ACTR3B: variants seen among roughly 807,000 people sequenced by gnomAD.
ACTR3B encodes the protein actin related protein 3B.
In ACTR3B, 8 loss-of-function variants were observed where a neutral mutation model predicts 59.0. The observed-to-expected ratio is 0.14, with a 90% confidence interval of 0.08 to 0.24. ACTR3B has a LOEUF of 0.24. Ranked by LOEUF, ACTR3B falls within the 10% of genes least tolerant of loss-of-function variation. The probability of loss-of-function intolerance (pLI) is 1.00; values close to 1 mark genes in which losing one functional copy is unlikely to be tolerated. For missense variants in ACTR3B, 245 were observed against 552.3 expected (o/e 0.44, Z 5.58); for synonymous variants, 148 against 197.9 (o/e 0.75, Z 2.12).
intron 9 of ACTR3B, among the ~76,000 whole-genome samples, chr7:152,840,588 T>C (rs919857893): frequency 6.8e-6 from 1 of 147,114 alleles, no homozygotes; most frequent in Non-Finnish European, 1.5e-5. Context: ...CCGAACGCCC[T>C]GTCAGGAAAA....
chr7:152,787,379 T>A (rs2098178020), intron 2 of ACTR3B, among the ~76,000 whole-genome samples: 1 of 152,194 alleles, frequency 6.6e-6, no homozygotes, highest in African/African-American at 2.4e-5. Context: ...TATGAATTTT[T>A]CGCAGATACT....
chr7:152,839,205 G>T (rs1590425614), intron 9 of ACTR3B, among the ~76,000 whole-genome samples: 1 of 145,814 alleles, frequency 6.9e-6, no homozygotes, highest in East Asian at 2.0e-4. Context: ...TGTGTCACAG[G>T]AAGGGAGGCA....
At chr7:152,851,097 C>G (rs1448035970) in intron 9 of ACTR3B, among the ~76,000 whole-genome samples, 2 of 152,136 alleles carry the variant, frequency 1.3e-5, no homozygotes, top group East Asian at 1.9e-4. Flanking sequence ...GTACCGAATC[C>G]TATATATACT....
chr7:152,838,779 G>A (rs1036826027), intron 9 of ACTR3B, among the ~76,000 whole-genome samples: 7 of 152,216 alleles, frequency 4.6e-5, no homozygotes, highest in Non-Finnish European at 8.8e-5. Context: ...TTAGGAGATG[G>A]CAAGTCATTT....
At chr7:152,827,480 TTAGAG>T (rs1359902965) in intron 9 of ACTR3B, among the ~76,000 whole-genome samples, 1 of 151,466 alleles carries the variant, frequency 6.6e-6, no homozygotes, top group Non-Finnish European at 1.5e-5. Flanking sequence ...GCCACCTAAG[TTAGAG>T]TAGACCAGAA....
At chr7:152,826,315 ACT>A (rs1422669209) in intron 9 of ACTR3B, among the ~76,000 whole-genome samples, 1 of 151,920 alleles carries the variant, frequency 6.6e-6, no homozygotes, top group Admixed American at 6.6e-5. Flanking sequence ...TGTATGCTAA[ACT>A]CTTAAAGTAA....
At chr7:152,782,914 G>T (rs1191886139) in intron 1 of ACTR3B, among the ~76,000 whole-genome samples, 1 of 152,054 alleles carries the variant, frequency 6.6e-6, no homozygotes, top group Admixed American at 6.6e-5. Flanking sequence ...AGTTATTAGG[G>T]ATGCATAAAT....
intron 9 of ACTR3B, among the ~76,000 whole-genome samples, chr7:152,834,414 G>A (rs553543792): frequency 1.1e-4 from 16 of 152,272 alleles, no homozygotes; most frequent in Non-Finnish European, 2.1e-4. Context: ...TCGGCCTCCC[G>A]AAGTGCTGGG....
chr7:152,843,324 A>G (rs2116969569), intron 9 of ACTR3B, among the ~76,000 whole-genome samples: 1 of 152,370 alleles, frequency 6.6e-6, no homozygotes, highest in East Asian at 1.9e-4. Flanking sequence ...TAGCCCTTAC[A>G]TTTAACTCAG....
intron 1 of ACTR3B, among the ~76,000 whole-genome samples, chr7:152,766,207 C>T (rs1004954477): frequency 6.6e-6 from 1 of 152,112 alleles, no homozygotes; most frequent in Non-Finnish European, 1.5e-5. Flanking sequence ...TAGAGGAAAC[C>T]GGGGCAAGCT....
intron 5 of ACTR3B, 136 bp from the exon 6 acceptor site, chr7:152,816,345 A>G (rs1405735143): frequency 1.5e-6 from 1 of 671,358 alleles, no homozygotes; most frequent in Admixed American, 3.3e-5. Context: ...GACAGGGGTT[A>G]GAGGATGGAT....
intron 9 of ACTR3B, among the ~76,000 whole-genome samples, chr7:152,847,238 G>A (rs1049317866): frequency 2.6e-5 from 4 of 151,508 alleles, no homozygotes; most frequent in East Asian, 1.9e-4. Flanking sequence ...TCTAGTGCCC[G>A]GGGCTGCAGT....
intron 9 of ACTR3B, among the ~76,000 whole-genome samples, chr7:152,825,353 C>T (rs567852670): frequency 6.6e-6 from 1 of 152,202 alleles, no homozygotes; most frequent in East Asian, 1.9e-4. Flanking sequence ...GCTCTGTCAC[C>T]CGGGCTGGAG....
chr7:152,765,626 A>G (rs1207885862), intron 1 of ACTR3B, among the ~76,000 whole-genome samples: 2 of 151,812 alleles, frequency 1.3e-5, no homozygotes, highest in African/African-American at 4.8e-5. Flanking sequence ...TTTTTGTTTT[A>G]TTTTGAATAA....
chr7:152,775,628 G>A (rs1217895177), intron 1 of ACTR3B, among the ~76,000 whole-genome samples: 1 of 151,980 alleles, frequency 6.6e-6, no homozygotes, highest in African/African-American at 2.4e-5. Context: ...GCGTGGTGGT[G>A]CATGCCTGTG....
intron 2 of ACTR3B, among the ~76,000 whole-genome samples, chr7:152,792,350 C>T (rs2098199421): frequency 6.6e-6 from 1 of 152,040 alleles, no homozygotes; most frequent in Non-Finnish European, 1.5e-5. Context: ...TTCCATTGTT[C>T]TTTCTTTTTT....
chr7:152,780,069 T>C (rs1414370574), intron 1 of ACTR3B, among the ~76,000 whole-genome samples: 2 of 152,046 alleles, frequency 1.3e-5, no homozygotes, highest in Admixed American at 6.6e-5. Flanking sequence ...ATAAGAATAT[T>C]AGGGCCAGGC....
chr7:152,854,631 C>G lies in ACTR3B; in HGVS notation c.*78C>G. On this transcript the variant is annotated 3_prime_UTR_variant, in exon 12 of 12. Coordinates refer to ENST00000256001, the MANE Select transcript of ACTR3B (RefSeq NM_020445.6). The surrounding 1 kb of genome is among the most constrained non-coding windows in gnomAD (Gnocchi z 4.9). ...TCAGAACCCAGAGAAGGCCGCCGTTCTGTAAATAGCGACGTCGGTGTTGCT... is the reference window on the plus strand; with the variant it reads ...TCAGAACCCAGAGAAGGCCGCCGTTGTGTAAATAGCGACGTCGGTGTTGCT... 2.1e-6 allele frequency: 3 copies of G among 1,454,030 alleles called. No individual in the cohort carries two copies. The highest frequency in any genetic ancestry group is 2.9e-6 in the Non-Finnish European group (3 of 1,040,624). The allele number at this position is 1,454,030 out of a possible 1,614,324, so 90.1% of individuals were successfully genotyped here.
intron 1 of ACTR3B, among the ~76,000 whole-genome samples, chr7:152,768,498 C>CA (rs1376717777): frequency 6.6e-6 from 1 of 152,022 alleles, no homozygotes; most frequent in African/African-American, 2.4e-5. Context: ...TTTTTTGAGT[C>CA]AGAGTTTCAC....
Sources: allele counts gnomAD v4.1 joint callset (sites outside exome capture counted in the v4.1 genomes callset), GRCh38; gene constraint gnomAD v4.1.1; non-coding constraint Gnocchi (gnomAD v3.1); transcripts MANE v1.5; gene names NCBI Gene and HGNC (gene_info 2026-07-23, HGNC 2026-07-21).